The following CENPI variants were observed in gnomAD, a reference collection of about 807,000 sequenced individuals.
CENPI encodes the protein centromere protein I.
A neutral mutation model predicts 60.4 loss-of-function variants in CENPI; 4 were observed. The ratio of observed to expected loss-of-function variants is 0.07; its 90% CI spans 0.03 to 0.15. The LOEUF is 0.15. Among genes scored for constraint, CENPI ranks in the 10% least tolerant of loss-of-function variants. The pLI, the probability that CENPI is intolerant of heterozygous loss-of-function variation, is 1.00. For synonymous variants in CENPI, 157 were observed against 189.4 expected, an observed-to-expected ratio of 0.83 and a Z score of 1.40; for missense variants, 444 against 534.5, an observed-to-expected ratio of 0.83 and a Z score of 1.67.
At chrX:101,176,849 T>C in the CENPI span, among the ~76,000 whole-genome samples, 1 of 112,751 alleles carries the variant, frequency 8.9e-6, no homozygotes, top group Non-Finnish European at 1.9e-5. Flanking sequence ...ACCAATGTTT[T>C]ATAGTTTCAG....
rs760455759 is a variant in CENPI, at chrX:101,147,803, G to A, written c.1867G>A (p.Val623Ile). The A allele has an allele frequency of 5.7e-5, 69 of 1,203,108 alleles. No individual in the cohort carries two copies. The highest frequency in any genetic ancestry group is 7.0e-5 in the Non-Finnish European group (62 of 890,760). ...GACTGCCGCAAAGAAAAATGAGTTG[G>A]TACAAAAGGTATGAATGAGAAAGCT... is the stretch of plus-strand genomic sequence containing the variant. ...NLTAAKKNEL[V>I]QKTKSEFNFS... Residue 623 changes from valine (V) to isoleucine (I), a missense_variant, in exon 19 of 22, where the codon GTA (valine) becomes ATA (isoleucine). Coordinates refer to ENST00000682095, the MANE Select transcript of CENPI (RefSeq NM_001386188.2).
intron 8 of CENPI, 146 bp from the exon 9 acceptor site, chrX:101,126,563 A>T: frequency 2.1e-6 from 1 of 480,216 alleles, no homozygotes; most frequent in Non-Finnish European, 3.6e-6. Context: ...CTGGTTACTC[A>T]TTCCTTGATT....
rs1359268759 is a variant in CENPI at position 101,127,524 on chromosome X, A to G, written c.933A>G (p.Pro311=). Residue 311 remains proline (P), a synonymous_variant, in exon 11 of 22, where the codon CCA becomes CCG. Coordinates refer to ENST00000682095, the MANE Select transcript of CENPI (RefSeq NM_001386188.2). The part of the protein sequence containing the change: ...KRKWNSLSVI[P]VLNSSSYTKE... ...AGTGGAATTCTCTCTCAGTTATACCAGTGCTCAATTCCAGTAGCTACACTA... is the reference window on the plus strand; with the variant it reads ...AGTGGAATTCTCTCTCAGTTATACCGGTGCTCAATTCCAGTAGCTACACTA... 9 of 1,193,946 alleles carry G rather than the reference A, an allele frequency of 7.5e-6. No individual in the cohort carries two copies. Among genetic ancestry groups the G allele is most frequent in the African/African-American group, 3.5e-5 (2 of 57,272 alleles).
chrX:101,170,097 TCA>T (rs2090153348), downstream of CENPI, among the ~76,000 whole-genome samples: 1 of 111,799 alleles, frequency 8.9e-6, no homozygotes, highest in Non-Finnish European at 1.9e-5. Flanking sequence ...TCCTAGGCCT[TCA>T]CAGTCACTCA....
At position 101,163,888 on chromosome X, in the gene CENPI, GGCCGGGCAT is replaced by G. The variant is rs2090131106; in HGVS notation, c.*927_*935del. 9.0e-6 allele frequency among the ~76,000 whole-genome samples: 1 copy of G among 110,681 alleles called. No individual in the cohort carries two copies. The highest frequency in any genetic ancestry group is 9.6e-5 in the Admixed American group (1 of 10,433). On this transcript the variant is annotated 3_prime_UTR_variant, in exon 22 of 22. Transcript: ENST00000682095. ...GTCTCTACTAAAAATACAAAAAATT[GGCCGGGCAT>G]GCCGGCACGTGCCTGTAGTCCCAGC...
Position 101,127,309 on chromosome X carries a change from T to C in CENPI, c.906+43T>C, listed in dbSNP as rs781713564. The C allele has an allele frequency of 5.4e-6, 6 of 1,103,667 alleles. No homozygotes were observed. The Admixed American group carries it at 1.8e-4, about 33-fold the overall frequency. The allele number at this position is 1,103,667 out of a possible 1,213,427, so 91.0% of individuals were successfully genotyped here. On this transcript the variant is annotated intron_variant, in intron 10 of 21. Coordinates refer to ENST00000682095, the MANE Select transcript of CENPI (RefSeq NM_001386188.2). ...AAACAACTTGCATGGCTTTCTTTTA[T>C]TAAATCCAAATAATAACCATTCAGA...
intron 4 of CENPI, among the ~76,000 whole-genome samples, chrX:101,106,686 G>A (rs920703407): frequency 9.0e-6 from 1 of 110,689 alleles, no homozygotes; most frequent in African/African-American, 3.3e-5. Context: ...ATTACCAGAT[G>A]GGAGAACACC....
chrX:101,116,771 A>G (rs556778208), intron 6 of CENPI, among the ~76,000 whole-genome samples: 3 of 111,812 alleles, frequency 2.7e-5, no homozygotes, highest in Admixed American at 9.6e-5. Flanking sequence ...TCTTTTCCAC[A>G]GTGGCTGTAC....
At chrX:101,099,046 TTTTC>T (rs3842469) in intron 2 of CENPI, among the ~76,000 whole-genome samples, 3 of 108,376 alleles carry the variant, frequency 2.8e-5, no homozygotes, top group African/African-American at 3.4e-5. Flanking sequence ...TTCTTTTCTC[TTTTC>T]TTTCTTTCTT....
chrX:101,113,774 T>C (rs189974856), intron 6 of CENPI, among the ~76,000 whole-genome samples: 222 of 112,556 alleles, frequency 2.0e-3, no homozygotes, highest in Non-Finnish European at 3.6e-3. Flanking sequence ...TGGCAAACTC[T>C]TTGTCTGAAA....
At chrX:101,173,303 A>G in the CENPI span, among the ~76,000 whole-genome samples, 1 of 94,696 alleles carries the variant, frequency 1.1e-5, no homozygotes, top group Non-Finnish European at 2.1e-5. Flanking sequence ...GTGAGCCACC[A>G]TGCCTGGCCT....
chrX:101,121,627 T>G (rs148929805), intron 8 of CENPI, among the ~76,000 whole-genome samples: 1 of 109,399 alleles, frequency 9.1e-6, no homozygotes, highest in African/African-American at 3.3e-5. Context: ...AGGATTTAAG[T>G]AGGCAAAGAA....
chrX:101,109,429 C>T (rs765730279), intron 4 of CENPI, 44 bp from the exon 5 acceptor site: 15 of 974,658 alleles, frequency 1.5e-5, no homozygotes, highest in Non-Finnish European at 4.4e-6. Flanking sequence ...AAAGAACAAT[C>T]GAGACACTAA....
chrX:101,168,746 T>G (rs1401702267), downstream of CENPI, among the ~76,000 whole-genome samples: 1 of 110,640 alleles, frequency 9.0e-6, no homozygotes, highest in Non-Finnish European at 1.9e-5. Flanking sequence ...GGCTATACAG[T>G]GGGGGAATGG....
chrX:101,140,975 T>A, intron 16 of CENPI: 1 of 320,306 alleles, frequency 3.1e-6, no homozygotes, highest in East Asian at 5.2e-5. Context: ...GCAACCCTTA[T>A]CTGCTAAATG....
intron 20 of CENPI, among the ~76,000 whole-genome samples, chrX:101,158,426 T>C (rs192882166): frequency 2.8e-5 from 3 of 108,400 alleles, no homozygotes; most frequent in East Asian, 2.9e-4. Flanking sequence ...TACAGGCACG[T>C]ACCACCACGC....
At chrX:101,103,150 C>G in intron 4 of CENPI, among the ~76,000 whole-genome samples, 1 of 107,345 alleles carries the variant, frequency 9.3e-6, no homozygotes. Context: ...CCTGCCACCA[C>G]GCCCGGCTAA....
chrX:101,127,436 T>A (rs1282486449), intron 10 of CENPI, 62 bp from the exon 11 acceptor site: 22 of 1,021,671 alleles, frequency 2.2e-5, no homozygotes, highest in Non-Finnish European at 2.9e-5. Context: ...CCAGTTGCTT[T>A]TATATTTGTG....
At position 101,124,205 on chromosome X, in the gene CENPI, G is replaced by A. The variant is rs183113183; in HGVS notation, c.688-2504G>A. ...GTGGCTGGTAAGTCCAAAATCTACC[G>A]GATGGGCCAGCAGGCTGGAGACCCA... On this transcript the variant is annotated intron_variant, in intron 8 of 21. Transcript: ENST00000682095. Among the ~76,000 whole-genome samples, 12 of 108,462 alleles carry A rather than the reference G, an allele frequency of 1.1e-4. No individual in the cohort carries two copies. In the East Asian group the frequency reaches 1.5e-3, roughly 13 times the overall value. 94.2% of individuals were successfully genotyped at this position (108,462 alleles called of 115,157 possible). A position where few individuals can be genotyped will look rare whatever the true frequency, so the allele number is the denominator to read the frequency against.
Sources: allele counts gnomAD v4.1 joint callset (sites outside exome capture counted in the v4.1 genomes callset), GRCh38; gene constraint gnomAD v4.1.1; transcripts MANE v1.5; gene names NCBI Gene and HGNC (gene_info 2026-07-23, HGNC 2026-07-21).